Variants in NAV3 observed in about 807,000 individuals in gnomAD.
The protein encoded by NAV3 is neuron navigator 3.
NAV3 carries 87 observed loss-of-function variants against 244.7 expected under a neutral mutation model. That is an observed-to-expected ratio of 0.36 (90% CI 0.30 to 0.42). The LOEUF is 0.42. Ranked by LOEUF, NAV3 falls within the 20% of genes least tolerant of loss-of-function variation. The probability of loss-of-function intolerance (pLI) is 1.00; values close to 1 mark genes in which losing one functional copy is unlikely to be tolerated. For synonymous variants in NAV3, 1,126 were observed against 1,042.2 expected (o/e 1.08, Z -1.55); for missense variants, 2,663 against 2,893.3 (o/e 0.92, Z 1.83).
intron 36 of NAV3, chr12:78,198,983 C>T (rs1959315533): frequency 2.3e-6 from 1 of 444,234 alleles, no homozygotes. Context: ...TCACTATGTC[C>T]CTGGTTAAAG....
chr12:77,625,723 CTA>C (rs1871589313), intron 2 of NAV3, among the ~76,000 whole-genome samples: 1 of 152,192 alleles, frequency 6.6e-6, no homozygotes, highest in South Asian at 2.1e-4. Context: ...GGAGAATACA[CTA>C]TTGCACCCAT....
intron 2 of NAV3, among the ~76,000 whole-genome samples, chr12:77,778,865 G>A (rs1870525118): frequency 6.6e-6 from 1 of 152,128 alleles, no homozygotes; most frequent in South Asian, 2.1e-4. Flanking sequence ...TTGTCTTTGG[G>A]ACAAAAAGAA....
chr12:77,927,398 G>A (rs546832333), intron 1 of NAV3, among the ~76,000 whole-genome samples: 74 of 152,298 alleles, frequency 4.9e-4, no homozygotes, highest in African/African-American at 1.8e-3. Flanking sequence ...CCTTTTGTAC[G>A]AGCTGAGAGT....
At chr12:77,672,717 A>G (rs1295913550) in intron 2 of NAV3, among the ~76,000 whole-genome samples, 1 of 152,108 alleles carries the variant, frequency 6.6e-6, no homozygotes, top group Admixed American at 6.6e-5. Flanking sequence ...AAATGACTAT[A>G]CATTGGGTAT....
chr12:77,798,904 G>A (rs1205078159), intron 2 of NAV3, among the ~76,000 whole-genome samples: 1 of 152,202 alleles, frequency 6.6e-6, no homozygotes, highest in Non-Finnish European at 1.5e-5. Flanking sequence ...TAGCTTTGCT[G>A]CAGAACAAAA....
In NAV3 at chr12:78,160,511, G is replaced by A. The variant is rs542829825; in HGVS notation, c.4869+1225G>A. On this transcript the variant is annotated intron_variant, in intron 23 of 39. Coordinates refer to ENST00000397909, the MANE Select transcript of NAV3 (RefSeq NM_001024383.2). ...AGACCCATTATATCAAAAGTTTTGGGTATTTTCAAGAATGCGTTCCTCTAT... is the reference window on the plus strand; with the variant it reads ...AGACCCATTATATCAAAAGTTTTGGATATTTTCAAGAATGCGTTCCTCTAT... Among the ~76,000 whole-genome samples the A allele has an allele frequency of 9.2e-5, 14 of 151,938 alleles. No individual in the cohort carries two copies. In the South Asian group the frequency reaches 2.3e-3, roughly 25 times the overall value.
intron 1 of NAV3, among the ~76,000 whole-genome samples, chr12:77,937,453 G>A (rs1008333403): frequency 2.6e-5 from 4 of 152,172 alleles, no homozygotes; most frequent in Non-Finnish European, 5.9e-5. Flanking sequence ...GAGAATGAAA[G>A]TATTCTTATT....
At chr12:77,996,224 C>T (rs565291662) in intron 6 of NAV3, among the ~76,000 whole-genome samples, 10 of 152,292 alleles carry the variant, frequency 6.6e-5, no homozygotes, top group African/African-American at 2.2e-4. Context: ...CCTATGTCTA[C>T]AGAAATAGTT....
At chr12:77,956,725 CTTATTTATTTATTTAT>C (rs111942943) in intron 3 of NAV3, among the ~76,000 whole-genome samples, 3 of 149,504 alleles carry the variant, frequency 2.0e-5, no homozygotes, top group East Asian at 4.0e-4. Flanking sequence ...TAAAATCCAA[CTTATTTATTTATTTAT>C]TTATTTATTT....
intron 3 of NAV3, among the ~76,000 whole-genome samples, chr12:77,963,487 GA>G (rs1162748803): frequency 1.3e-5 from 2 of 152,126 alleles, no homozygotes; most frequent in Admixed American, 6.6e-5. Flanking sequence ...ATTAAGTGGG[GA>G]AAAGGTATTA....
At chr12:77,621,065 A>G (rs780997663) in intron 2 of NAV3, among the ~76,000 whole-genome samples, 42 of 152,204 alleles carry the variant, frequency 2.8e-4, no homozygotes, top group Non-Finnish European at 2.1e-4. Flanking sequence ...ATATTCTTGA[A>G]GAAGGTTTGA....
chr12:77,972,772 T>C (rs1893103670), intron 5 of NAV3, among the ~76,000 whole-genome samples: 1 of 152,198 alleles, frequency 6.6e-6, no homozygotes, highest in African/African-American at 2.4e-5. Flanking sequence ...AAATAAATCC[T>C]ACAATTTTAA....
intron 5 of NAV3, among the ~76,000 whole-genome samples, chr12:77,993,174 G>A (rs930978537): frequency 6.6e-6 from 1 of 152,066 alleles, no homozygotes; most frequent in East Asian, 1.9e-4. Flanking sequence ...AAAATAATGA[G>A]GTGGGGGGAC....
At chr12:78,177,493 CT>C (rs1277471769) in intron 27 of NAV3, 126 bp from the exon 28 acceptor site, 1 of 1,150,250 alleles carries the variant, frequency 8.7e-7, no homozygotes, top group African/African-American at 1.6e-5. Context: ...TTTCATTTTT[CT>C]TTTTCATTTT....
At chr12:78,067,776 A>G (rs2137559619) in intron 12 of NAV3, among the ~76,000 whole-genome samples, 1 of 152,222 alleles carries the variant, frequency 6.6e-6, no homozygotes, top group East Asian at 1.9e-4. Context: ...ATTTTTTCAT[A>G]AGACTCACCT....
At chr12:77,652,648 C>A (rs1448111093) in intron 2 of NAV3, among the ~76,000 whole-genome samples, 1 of 152,050 alleles carries the variant, frequency 6.6e-6, no homozygotes, top group African/African-American at 2.4e-5. Flanking sequence ...TAACTAAATA[C>A]CTGAGACACA....
At position 77,703,973 on chromosome 12, in the gene NAV3, A is replaced by G. The variant is rs139155851; in HGVS notation, c.72+131707A>G. ...CTTCTATACCGCATTTGACTTCTCA[A>G]TATAACATTGTTCTCACTTGTAACG... On this transcript the variant is annotated intron_variant, in intron 2 of 8. Coordinates refer to the NAV3 transcript ENST00000550042. 1.4e-4 allele frequency among the ~76,000 whole-genome samples: 21 copies of G among 152,314 alleles called. No homozygotes were observed. In the East Asian group the frequency reaches 4.1e-3, roughly 29 times the overall value.
intron 38 of NAV3, among the ~76,000 whole-genome samples, chr12:78,204,192 C>A (rs530113409): frequency 7.5e-6 from 1 of 134,048 alleles, no homozygotes; most frequent in South Asian, 2.7e-4. Flanking sequence ...CATCACACTC[C>A]GGGGACTGTT....
intron 1 of NAV3, among the ~76,000 whole-genome samples, chr12:77,864,528 A>G (rs1879723523): frequency 6.6e-6 from 1 of 152,002 alleles, no homozygotes; most frequent in African/African-American, 2.4e-5. Context: ...GCAAGGAGGC[A>G]TAGTTTCTGA....
Sources: gnomAD v4.1 joint callset for allele counts (sites outside exome capture counted in the v4.1 genomes callset) on GRCh38, gnomAD v4.1.1 for gene constraint, MANE v1.5 for transcripts, NCBI Gene and HGNC (gene_info 2026-07-23, HGNC 2026-07-21) for gene names.